The following DLG2 variants were observed in gnomAD, a reference collection of about 807,000 sequenced individuals.
DLG2 encodes the protein discs large MAGUK scaffold protein 2.
DLG2 carries 45 observed loss-of-function variants against 132.5 expected under a neutral mutation model. The observed-to-expected ratio is 0.34, with a 90% CI of 0.27 to 0.44. DLG2 has a LOEUF of 0.44. DLG2 is among the 20% of genes least tolerant of loss of function. The pLI, the probability that DLG2 is intolerant of heterozygous loss-of-function variation, is 1.00. For missense variants in DLG2, 1,045 were observed against 1,196.9 expected, an observed-to-expected ratio of 0.87 and a Z score of 1.87; for synonymous variants, 424 against 419.6, an observed-to-expected ratio of 1.01 and a Z score of -0.13.
chr11:85,424,494 G>A (rs569215499), intron 3 of DLG2, among the ~76,000 whole-genome samples: 11 of 152,298 alleles, frequency 7.2e-5, no homozygotes, highest in African/African-American at 2.6e-4. Context: ...AGACAACCCT[G>A]AAACCCAGCC....
chr11:84,986,404 G>C (rs887327649), intron 6 of DLG2, among the ~76,000 whole-genome samples: 1 of 152,130 alleles, frequency 6.6e-6, no homozygotes, highest in Non-Finnish European at 1.5e-5. Context: ...CCACAAGATA[G>C]AGAAAGAGGG....
chr11:83,751,832 G>A (rs1464722076), intron 18 of DLG2, among the ~76,000 whole-genome samples: 2 of 152,160 alleles, frequency 1.3e-5, no homozygotes, highest in South Asian at 4.1e-4. Context: ...AAGTCAAATG[G>A]GAACTAGAAC....
At chr11:84,515,772 C>A (rs1204667338) in intron 7 of DLG2, among the ~76,000 whole-genome samples, 1 of 151,810 alleles carries the variant, frequency 6.6e-6, no homozygotes, top group Non-Finnish European at 1.5e-5. Context: ...TCTCTAACAG[C>A]TGCAGGATAT....
intron 11 of DLG2, among the ~76,000 whole-genome samples, chr11:83,989,807 T>A (rs569953513): frequency 6.8e-4 from 103 of 152,330 alleles, no homozygotes; most frequent in African/African-American, 2.2e-3. Flanking sequence ...ATGAATACAA[T>A]GAGTTCCTGA....
At chr11:84,127,263 G>T (rs1375348030) in intron 9 of DLG2, among the ~76,000 whole-genome samples, 1 of 152,132 alleles carries the variant, frequency 6.6e-6, no homozygotes, top group Non-Finnish European at 1.5e-5. Context: ...TTGTTGTTTA[G>T]GACTAGGATT....
chr11:85,476,345 G>A (rs1381300231), intron 3 of DLG2, among the ~76,000 whole-genome samples: 4 of 74,346 alleles, frequency 5.4e-5, no homozygotes, highest in Non-Finnish European at 1.6e-4. Context: ...AAGGAGTGGT[G>A]AGTAAATGTG....
intron 14 of DLG2, among the ~76,000 whole-genome samples, chr11:83,944,107 C>T (rs1301461366): frequency 7.3e-5 from 11 of 151,464 alleles, no homozygotes; most frequent in Admixed American, 4.0e-4. Flanking sequence ...ACCATTACTT[C>T]GTCTTGGAGA....
intron 6 of DLG2, among the ~76,000 whole-genome samples, chr11:84,577,425 TGATA>T (rs2099503843): frequency 6.6e-6 from 1 of 152,140 alleles, no homozygotes; most frequent in South Asian, 2.1e-4. Flanking sequence ...CCCAAAATGC[TGATA>T]GATATATGGA....
At chr11:85,455,428 G>A (rs2092389598) in intron 3 of DLG2, among the ~76,000 whole-genome samples, 1 of 152,318 alleles carries the variant, frequency 6.6e-6, no homozygotes, top group South Asian at 2.1e-4. Flanking sequence ...TTTAGGCAGA[G>A]ACTATAGAGT....
intron 7 of DLG2, among the ~76,000 whole-genome samples, chr11:84,275,804 T>C (rs929438983): frequency 2.6e-5 from 4 of 152,192 alleles, no homozygotes; most frequent in Non-Finnish European, 5.9e-5. Context: ...AGAGGTAGCA[T>C]AAACTATTTA....
intron 18 of DLG2, among the ~76,000 whole-genome samples, chr11:83,642,911 T>G (rs1003049220): frequency 6.6e-6 from 1 of 152,050 alleles, no homozygotes; most frequent in Non-Finnish European, 1.5e-5. Context: ...GAAAGGTAAA[T>G]GCAACAGCAG....
chr11:85,232,456 T>C (rs1242876488), intron 4 of DLG2, among the ~76,000 whole-genome samples: 1 of 151,794 alleles, frequency 6.6e-6, no homozygotes, highest in Non-Finnish European at 1.5e-5. Flanking sequence ...AGAATAAAAG[T>C]CTAATTTAAT....
At chr11:84,916,265 C>T (rs370478808) in intron 6 of DLG2, among the ~76,000 whole-genome samples, 20 of 135,662 alleles carry the variant, frequency 1.5e-4, no homozygotes, top group African/African-American at 3.9e-4. Context: ...AGGAGAATGG[C>T]GTGAACCCGG....
intron 19 of DLG2, among the ~76,000 whole-genome samples, chr11:83,548,438 G>A (rs370209624): frequency 3.3e-5 from 5 of 152,106 alleles, no homozygotes; most frequent in Admixed American, 2.6e-4. Flanking sequence ...AATTTGTCAC[G>A]GCAGTAATGT....
At chr11:84,474,988 C>T (rs761106689) in intron 7 of DLG2, among the ~76,000 whole-genome samples, 45 of 152,184 alleles carry the variant, frequency 3.0e-4, no homozygotes, top group Non-Finnish European at 6.0e-4. Flanking sequence ...AATCCATCAG[C>T]CAGGTCTCTT....
chr11:83,740,569 G>A (rs577575447), intron 18 of DLG2, among the ~76,000 whole-genome samples: 3 of 152,240 alleles, frequency 2.0e-5, no homozygotes, highest in South Asian at 2.1e-4. Flanking sequence ...TGGTGATCAC[G>A]TAGGTATCTT....
At chr11:85,072,013 T>C (rs545974765) in intron 6 of DLG2, among the ~76,000 whole-genome samples, 3 of 151,964 alleles carry the variant, frequency 2.0e-5, no homozygotes, top group South Asian at 4.1e-4. Flanking sequence ...CATTTAATCT[T>C]AGCATCCCTA....
At chr11:83,525,568 G>A (rs1369711503) in intron 21 of DLG2, among the ~76,000 whole-genome samples, 2 of 152,138 alleles carry the variant, frequency 1.3e-5, no homozygotes, top group Non-Finnish European at 2.9e-5. Context: ...AGAAGGCTTG[G>A]AATAAGAAAA....
At chr11:85,111,550 T>C (rs1346776161) in intron 6 of DLG2, 111 bp downstream of exon 6, 3 of 769,812 alleles carry the variant, frequency 3.9e-6, no homozygotes, top group Non-Finnish European at 6.0e-6. Context: ...TGCAAAATAT[T>C]TGCTTTACTC....
Sources: allele counts gnomAD v4.1 joint callset (sites outside exome capture counted in the v4.1 genomes callset), GRCh38; gene constraint gnomAD v4.1.1; transcripts MANE v1.5; gene names NCBI Gene and HGNC (gene_info 2026-07-23, HGNC 2026-07-21).